Variants in RAB3GAP2 observed in about 807,000 individuals in gnomAD.
RAB3GAP2 encodes RAB3 GTPase activating non-catalytic protein subunit 2.
Under a neutral mutation model 185.3 loss-of-function variants are expected in RAB3GAP2, and 87 were observed. The ratio of observed to expected loss-of-function variants is 0.47; its 90% CI spans 0.39 to 0.56. The LOEUF (loss-of-function observed/expected upper bound fraction) is 0.56, where lower values mean the gene tolerates loss of function less well. RAB3GAP2 is among the 20% of genes least tolerant of loss of function. The pLI is 0.00. For missense variants in RAB3GAP2, 1,492 were observed against 1,638.2 expected, an observed-to-expected ratio of 0.91 and a Z score of 1.54; for synonymous variants, 554 against 576.1, an observed-to-expected ratio of 0.96 and a Z score of 0.55.
intron 24 of RAB3GAP2, among the ~76,000 whole-genome samples, chr1:220,170,508 A>C (rs1399792535): frequency 1.3e-5 from 2 of 151,868 alleles, no homozygotes; most frequent in African/African-American, 2.4e-5. Context: ...AAATCTCTGT[A>C]ATGCCTGGTT....
At chr1:220,156,844 G>A (rs12037712) in intron 31 of RAB3GAP2, among the ~76,000 whole-genome samples, 7,400 of 152,170 alleles carry the variant, frequency 0.049, 216 homozygotes, top group African/African-American at 0.08. Flanking sequence ...ACCAAGTCAG[G>A]GAATTCAGAA....
At chr1:220,222,867 T>C (rs1659333540) in intron 2 of RAB3GAP2, among the ~76,000 whole-genome samples, 1 of 152,166 alleles carries the variant, frequency 6.6e-6, no homozygotes, top group South Asian at 2.1e-4. Flanking sequence ...TTTTAGATGT[T>C]AGGGATGGGT....
chr1:220,200,162 C>T (rs957476152), intron 9 of RAB3GAP2, among the ~76,000 whole-genome samples: 4 of 152,158 alleles, frequency 2.6e-5, no homozygotes, highest in Non-Finnish European at 5.9e-5. Context: ...CTTCAAGGCT[C>T]CCAGGCCTAT....
At chr1:220,211,091 T>C (rs1318236722) in intron 4 of RAB3GAP2, 89 bp from the exon 5 acceptor site, 1 of 1,290,932 alleles carries the variant, frequency 7.7e-7, no homozygotes, top group African/African-American at 1.5e-5. Context: ...GGATAATAAC[T>C]GGAAGATGAC....
intron 2 of RAB3GAP2, among the ~76,000 whole-genome samples, chr1:220,223,933 G>A (rs1659356574): frequency 6.7e-6 from 1 of 149,180 alleles, no homozygotes; most frequent in African/African-American, 2.5e-5. Context: ...AGAGGCCTGG[G>A]AGGTCGAGGC....
At chr1:220,224,609 T>TTC (rs1291026208) in intron 2 of RAB3GAP2, among the ~76,000 whole-genome samples, 1 of 152,154 alleles carries the variant, frequency 6.6e-6, no homozygotes, top group African/African-American at 2.4e-5. Context: ...AATTTTACTC[T>TTC]CAGTCTCCCT....
chr1:220,171,914 A>T lies in RAB3GAP2; in HGVS notation c.2552T>A (p.Ile851Lys). 6.2e-7 allele frequency: 1 copy of T among 1,614,160 alleles called. No homozygotes were observed. The highest frequency in any genetic ancestry group is 1.3e-5 in the African/African-American group (1 of 75,038). The change falls in exon 23 of 35, where the codon ATA becomes AAA. Residue 851 changes from isoleucine (I) to lysine (K), a missense_variant. Physicochemically the swap from Ile to Lys is moderately radical, Grantham distance 102. Transcript: ENST00000358951. ...TTTTTTCTCTGTCATGTTGTTTGAT[A>T]TCTGTGCAGCAACAGAATGCCCAAC... ...AHVGHSVAAQ[I>K]SNNMTEKKFS...
At chr1:220,153,447 G>A (rs1390761031) in intron 32 of RAB3GAP2, 41 bp from the exon 33 acceptor site, 3 of 1,551,094 alleles carry the variant, frequency 1.9e-6, no homozygotes, top group Non-Finnish European at 2.7e-6. Flanking sequence ...CATTGTTACT[G>A]TTTCATTTTA....
At chr1:220,194,426 C>T (rs1362384200) in intron 12 of RAB3GAP2, among the ~76,000 whole-genome samples, 1 of 151,744 alleles carries the variant, frequency 6.6e-6, no homozygotes, top group Non-Finnish European at 1.5e-5. Context: ...GTTTTTCGCT[C>T]TTGTCCCCCA....
rs535968000 is a variant in RAB3GAP2, at chr1:220,272,423, A to G, written c.-86T>C. ...CCACTGCGGCCGCCACCGAGCCCCA[A>G]TAGCTCTAGCCAAGCAGAAGGCGGA... On this transcript the variant is annotated 5_prime_UTR_variant, in exon 1 of 35. Transcript: ENST00000358951. The G allele has an allele frequency of 3.8e-4, 329 of 876,476 alleles. 3 individuals are homozygous for G. The African/African-American group carries it at 5.2e-3, about 14-fold the overall frequency. The allele number at this position is 876,476 out of a possible 1,614,324, so 54.3% of individuals were successfully genotyped here. A position where few individuals can be genotyped will look rare whatever the true frequency, so the allele number is the denominator to read the frequency against.
At chr1:220,153,738 C>G in intron 32 of RAB3GAP2, 1 of 490,866 alleles carries the variant, frequency 2.0e-6, no homozygotes, top group Non-Finnish European at 3.6e-6. Flanking sequence ...TCTCCTAATG[C>G]TATCCCTCCC....
In RAB3GAP2 at chr1:220,157,279, A is replaced by C. The variant is rs1371879865; in HGVS notation, c.3546T>G (p.Phe1182Leu). 2 of 1,613,702 alleles carry C rather than the reference A, an allele frequency of 1.2e-6. No homozygotes were observed. The highest frequency in any genetic ancestry group is 1.7e-6 in the Non-Finnish European group (2 of 1,179,662). Reference sequence around the variant, plus strand: ...CCTGTGAGGTACTTACCTTACTGTCAAAAAGTGAAAGTGGCTTCACGGTCT... The same window carrying C: ...CCTGTGAGGTACTTACCTTACTGTCCAAAAGTGAAAGTGGCTTCACGGTCT... ...SLKTVKPLSL[F>L]DSKGKNAFFK... Residue 1182 changes from phenylalanine to leucine, a missense_variant, in exon 31 of 35, where the codon TTT becomes TTG. By Grantham distance (22) the Phe-to-Leu change is conservative. This residue lies in a region of RAB3GAP2 where 387 missense variants were observed against 455.3 expected (regional missense o/e 0.85). Transcript: ENST00000358951.
At chr1:220,177,551 T>G (rs2102862507) in intron 21 of RAB3GAP2, among the ~76,000 whole-genome samples, 1 of 152,128 alleles carries the variant, frequency 6.6e-6, no homozygotes, top group South Asian at 2.1e-4. Context: ...CAACAAACTT[T>G]AAGAAAACCC....
At chr1:220,224,005 CAAAA>C (rs1170784100) in intron 2 of RAB3GAP2, among the ~76,000 whole-genome samples, 1 of 90,178 alleles carries the variant, frequency 1.1e-5, no homozygotes. Context: ...GACCCTATCT[CAAAA>C]AAAAAAAAAA....
At chr1:220,256,451 CAT>C (rs1660033124) in intron 1 of RAB3GAP2, among the ~76,000 whole-genome samples, 1 of 152,156 alleles carries the variant, frequency 6.6e-6, no homozygotes, top group Non-Finnish European at 1.5e-5. Flanking sequence ...AATTAAAAGA[CAT>C]AGAATGTCAA....
At chr1:220,194,794 G>A (rs1031646194) in intron 12 of RAB3GAP2, among the ~76,000 whole-genome samples, 2 of 152,166 alleles carry the variant, frequency 1.3e-5, no homozygotes, top group East Asian at 1.9e-4. Flanking sequence ...AGCTATCACT[G>A]AATTAATTCT....
chr1:220,233,915 G>A (rs1284324421), intron 1 of RAB3GAP2, among the ~76,000 whole-genome samples: 1 of 152,122 alleles, frequency 6.6e-6, no homozygotes, highest in African/African-American at 2.4e-5. Flanking sequence ...TGGCCAGGCT[G>A]GTCTTGAACT....
At chr1:220,172,537 C>T in intron 22 of RAB3GAP2, 100 bp downstream of exon 22, 1 of 793,052 alleles carries the variant, frequency 1.3e-6, no homozygotes, top group Non-Finnish European at 2.2e-6. Context: ...GTTTTGTACA[C>T]TACAGACTCC....
intron 31 of RAB3GAP2, among the ~76,000 whole-genome samples, chr1:220,155,268 T>C (rs2102850882): frequency 6.6e-6 from 1 of 152,334 alleles, no homozygotes; most frequent in Non-Finnish European, 1.5e-5. Context: ...GGTTACCGTT[T>C]CTTCTTCTGC....
Sources: allele counts gnomAD v4.1 joint callset (sites outside exome capture counted in the v4.1 genomes callset), GRCh38; gene constraint gnomAD v4.1.1; regional missense constraint gnomAD v4.1.1; transcripts MANE v1.5; gene names NCBI Gene and HGNC (gene_info 2026-07-23, HGNC 2026-07-21).